NDOR1: variants seen among roughly 807,000 people sequenced by gnomAD.
NDOR1 encodes NADPH-dependent diflavin oxidoreductase 1.
In NDOR1, 61 loss-of-function variants were observed where a neutral mutation model predicts 67.2. That is an observed-to-expected ratio of 0.91 (90% CI 0.74 to 1.12). The LOEUF is 1.12. Among genes scored for constraint, NDOR1 ranks in the 50% most tolerant of loss-of-function variants. The pLI is 0.00. For missense variants in NDOR1, 878 were observed against 802.8 expected (o/e 1.09, Z -1.13); for synonymous variants, 378 against 343.7 (o/e 1.10, Z -1.10).
At position 137,212,702 on chromosome 9, in the gene NDOR1, G is replaced by A. The variant is rs909669374; in HGVS notation, c.311+103G>A. 21 of 1,053,114 alleles carry A rather than the reference G, an allele frequency of 2.0e-5. No homozygotes were observed. In the East Asian group the frequency reaches 2.9e-4, roughly 14 times the overall value. 65.2% of individuals were successfully genotyped at this position (1,053,114 alleles called of 1,614,324 possible). A position where few individuals can be genotyped will look rare whatever the true frequency, so the allele number is the denominator to read the frequency against. On this transcript the variant is annotated intron_variant, in intron 3 of 13. Transcript: ENST00000684003. The surrounding 1 kb of genome is among the most constrained non-coding windows in gnomAD (Gnocchi z 4.3). ...ACCAGCTTCCAGGGTCGGCCCCTGCGCGCCTCAGGGCCCTCGCAGTGGTAC... is the reference window on the plus strand; with the variant it reads ...ACCAGCTTCCAGGGTCGGCCCCTGCACGCCTCAGGGCCCTCGCAGTGGTAC...
rs750550671 is a variant in NDOR1 at position 137,216,462 on chromosome 9, G to T, written c.*46G>T. ...CCCTCTGACAGCCATCCTCCTGGGA[G>T]CCCAGGAAGGCATCCACGAGGGAGC... On this transcript the variant is annotated 3_prime_UTR_variant, in exon 14 of 14. Coordinates refer to ENST00000684003, the MANE Select transcript of NDOR1 (RefSeq NM_014434.4). The T allele has an allele frequency of 5.7e-6, 9 of 1,568,552 alleles. No individual in the cohort carries two copies. Among genetic ancestry groups the T allele is most frequent in the Non-Finnish European group, 7.8e-6 (9 of 1,161,128 alleles).
chr9:137,214,191 T>C lies in NDOR1; in HGVS notation c.513-13T>C. Reference sequence around the variant, plus strand: ...GGAGTGGGTCCTGGTCTGACCAGCGTGCCCTCCCACAGCCTGCCCTCCAAG... The same window carrying C: ...GGAGTGGGTCCTGGTCTGACCAGCGCGCCCTCCCACAGCCTGCCCTCCAAG... On this transcript the variant is annotated splice_polypyrimidine_tract_variant and intron_variant, in intron 5 of 13. Transcript: ENST00000684003. The C allele has an allele frequency of 6.2e-7, 1 of 1,605,544 alleles. No individual in the cohort carries two copies. The highest frequency in any genetic ancestry group is 8.5e-7 in the Non-Finnish European group (1 of 1,177,650).
At position 137,217,654 on chromosome 9, in the gene NDOR1, C is replaced by T. The variant is rs1835690582; in HGVS notation, c.*1238C>T. 1 of 242,422 alleles carries T rather than the reference C, an allele frequency of 4.1e-6. No homozygotes were observed. Among genetic ancestry groups the T allele is most frequent in the Non-Finnish European group, 7.9e-6 (1 of 126,858 alleles). 15.0% of individuals were successfully genotyped at this position (242,422 alleles called of 1,614,324 possible). A position where few individuals can be genotyped will look rare whatever the true frequency, so the allele number is the denominator to read the frequency against. ...AGGCAGGCCTTGCTGGGGCCCCAGTCAAGTCCACTTCCAGTGAGGAGAGCC... is the reference window on the plus strand; with the variant it reads ...AGGCAGGCCTTGCTGGGGCCCCAGTTAAGTCCACTTCCAGTGAGGAGAGCC... On this transcript the variant is annotated 3_prime_UTR_variant, in exon 14 of 14. Transcript: ENST00000684003.
rs1448577630 is a variant in NDOR1, at chr9:137,214,902, C to G, written c.949C>G (p.Leu317Val). The G allele has an allele frequency of 6.2e-7, 1 of 1,612,760 alleles. No individual in the cohort carries two copies. The highest frequency in any genetic ancestry group is 1.7e-5 in the Admixed American group (1 of 60,024). ...SVPRRSFFELLACLSLHELER... is the reference protein window; with the variant it reads ...SVPRRSFFELVACLSLHELER... ...GCCTCGCCGCTCCTTCTTCGAACTC[C>G]TGGCCTGTCTATCCCTCCATGAGCT... is the stretch of plus-strand genomic sequence containing the variant. The change falls in exon 8 of 14, where the codon CTG becomes GTG. Residue 317 changes from leucine (L) to valine (V), a missense_variant. Leu to Val is a conservative substitution (Grantham distance 32). Coordinates refer to ENST00000684003, the MANE Select transcript of NDOR1 (RefSeq NM_014434.4).
intron 3 of NDOR1, among the ~76,000 whole-genome samples, chr9:137,213,072 G>A (rs557718484): frequency 2.0e-5 from 3 of 152,312 alleles, no homozygotes; most frequent in African/African-American, 4.8e-5. Context: ...GACTGTCCAC[G>A]TAGGGCCCAG....
chr9:137,214,896 G>A lies in NDOR1; in HGVS notation c.943G>A (p.Glu315Lys), dbSNP rs747559988. The A allele has an allele frequency of 3.1e-5, 50 of 1,612,298 alleles. No homozygotes were observed. The highest frequency in any genetic ancestry group is 5.3e-5 in the African/African-American group (4 of 74,922). ...IASVPRRSFF[E>K]LLACLSLHEL... ...CAGCGTGCCTCGCCGCTCCTTCTTCGAACTCCTGGCCTGTCTATCCCTCCA... is the reference window on the plus strand; with the variant it reads ...CAGCGTGCCTCGCCGCTCCTTCTTCAAACTCCTGGCCTGTCTATCCCTCCA... The change falls in exon 8 of 14, where the codon GAA becomes AAA. Residue 315 changes from glutamate (E) to lysine (K), a missense_variant. Coordinates refer to ENST00000684003, the MANE Select transcript of NDOR1 (RefSeq NM_014434.4).
intron 2 of NDOR1, among the ~76,000 whole-genome samples, chr9:137,210,634 G>A (rs925016272): frequency 2.6e-5 from 4 of 152,296 alleles, no homozygotes; most frequent in Admixed American, 2.6e-4. Context: ...CTTGAGCCCA[G>A]GAGTTTGAGA....
At position 137,216,465 on chromosome 9, in the gene NDOR1, C is replaced by T. The variant is rs780706577; in HGVS notation, c.*49C>T. 3.2e-6 allele frequency: 5 copies of T among 1,568,222 alleles called. No homozygotes were observed. The Admixed American group carries it at 8.8e-5, about 28-fold the overall frequency. On this transcript the variant is annotated 3_prime_UTR_variant, in exon 14 of 14. Coordinates refer to ENST00000684003, the MANE Select transcript of NDOR1 (RefSeq NM_014434.4). The stretch of plus-strand genomic sequence containing the variant: ...TCTGACAGCCATCCTCCTGGGAGCC[C>T]AGGAAGGCATCCACGAGGGAGCTCC...
At chr9:137,207,141 C>T (rs1272614033) in intron 2 of NDOR1, among the ~76,000 whole-genome samples, 1 of 151,898 alleles carries the variant, frequency 6.6e-6, no homozygotes, top group Non-Finnish European at 1.5e-5. Context: ...CAGTCATGTT[C>T]CTAAGCTAGC....
Position 137,216,583 on chromosome 9 carries a change from C to A in NDOR1, c.*167C>A. The stretch of plus-strand genomic sequence containing the variant: ...AGCCGCACTCCTGTTGACCCTGGAT[C>A]CCACCCTTTGAGCCTGACCCCACTG... On this transcript the variant is annotated 3_prime_UTR_variant, in exon 14 of 14. Transcript: ENST00000684003. 1 of 915,116 alleles carries A rather than the reference C, an allele frequency of 1.1e-6. No individual in the cohort carries two copies. Among genetic ancestry groups the A allele is most frequent in the Non-Finnish European group, 1.6e-6 (1 of 624,686 alleles). 56.7% of individuals were successfully genotyped at this position (915,116 alleles called of 1,614,324 possible).
chr9:137,215,688 C>T lies in NDOR1; in HGVS notation c.1318C>T (p.Pro440Ser). 6.3e-7 allele frequency: 1 copy of T among 1,584,660 alleles called. No individual in the cohort carries two copies. Among genetic ancestry groups the T allele is most frequent in the Non-Finnish European group, 8.6e-7 (1 of 1,164,156 alleles). Residue 440 changes from proline to serine, a missense_variant, in exon 11 of 14, where the codon CCT becomes TCT. By Grantham distance (74) the Pro-to-Ser change is moderately conservative. Coordinates refer to ENST00000684003, the MANE Select transcript of NDOR1 (RefSeq NM_014434.4). ...TGTCCGGGTGCCCCTCTGGGTGCGG[C>T]CTGGGAGTCTGGCCTTCCCAGAGAC... ...GPVRVPLWVR[P>S]GSLAFPETPD...
Position 137,214,885 on chromosome 9 carries a change from G to A in NDOR1, c.932G>A (p.Arg311His), listed in dbSNP as rs759069782. 43 of 1,611,816 alleles carry A rather than the reference G, an allele frequency of 2.7e-5. No individual in the cohort carries two copies. Among genetic ancestry groups the A allele is most frequent in the Admixed American group, 5.0e-5 (3 of 60,022 alleles). ...CTGGACATCGCCAGCGTGCCTCGCC[G>A]CTCCTTCTTCGAACTCCTGGCCTGT... Reference protein sequence around the residue: ...HYLDIASVPRRSFFELLACLS... With the variant: ...HYLDIASVPRHSFFELLACLS... The change falls in exon 8 of 14, where the codon CGC becomes CAC. Residue 311 changes from arginine (R) to histidine (H), a missense_variant. Arg to His is a conservative substitution (Grantham distance 29, BLOSUM62 0). Coordinates refer to ENST00000684003, the MANE Select transcript of NDOR1 (RefSeq NM_014434.4).
Position 137,218,414 on chromosome 9 carries a change from C to G in NDOR1, c.*1998C>G, listed in dbSNP as rs755595833. 41 of 398,162 alleles carry G rather than the reference C, an allele frequency of 1.0e-4. No homozygotes were observed. The highest frequency in any genetic ancestry group is 1.6e-4 in the Non-Finnish European group (36 of 225,974). The allele number at this position is 398,162 out of a possible 1,614,324, so 24.7% of individuals were successfully genotyped here. On this transcript the variant is annotated 3_prime_UTR_variant, in exon 14 of 14. Coordinates refer to ENST00000684003, the MANE Select transcript of NDOR1 (RefSeq NM_014434.4). ...AGGGCCCGTGGGCGGCCGGGGCTGC[C>G]TGCCCTTCCTGCCCTGTCCACCCTG...
Position 137,217,036 on chromosome 9 carries a change from TCTAG to T in NDOR1, c.*623_*626del, listed in dbSNP as rs1268692678. 1 of 180,702 alleles carries T rather than the reference TCTAG, an allele frequency of 5.5e-6. No individual in the cohort carries two copies. Among genetic ancestry groups the T allele is most frequent in the African/African-American group, 2.4e-5 (1 of 41,590 alleles). The allele number at this position is 180,702 out of a possible 1,614,324, so 11.2% of individuals were successfully genotyped here. A position where few individuals can be genotyped will look rare whatever the true frequency, so the allele number is the denominator to read the frequency against. Reference sequence around the variant, plus strand: ...TTCTAGCGCAGGCTTCCTTCCTTCCTCTAGCTCCTCCCGGTGCCCTGGGTGCTGG... The same window carrying T: ...TTCTAGCGCAGGCTTCCTTCCTTCCTCTCCTCCCGGTGCCCTGGGTGCTGG... On this transcript the variant is annotated 3_prime_UTR_variant, in exon 14 of 14. Coordinates refer to ENST00000684003, the MANE Select transcript of NDOR1 (RefSeq NM_014434.4).
chr9:137,211,665 G>C (rs138511834), intron 2 of NDOR1, among the ~76,000 whole-genome samples: 1 of 152,290 alleles, frequency 6.6e-6, no homozygotes, highest in East Asian at 1.9e-4. Context: ...TGCTCGCATA[G>C]CGTGGCCCAG....
rs1343181062 is a variant in NDOR1, at chr9:137,219,181, G to A, written c.*2765G>A. The A allele has an allele frequency of 6.6e-6, 1 of 152,416 alleles. No homozygotes were observed. The highest frequency in any genetic ancestry group is 2.4e-5 in the African/African-American group (1 of 41,486). 9.4% of individuals were successfully genotyped at this position (152,416 alleles called of 1,614,324 possible). ...CCACTTGATCAGGCCCAGACCAGGTGGGGGTTGGCGCTGGCCTGTGTTGCA... is the reference window on the plus strand; with the variant it reads ...CCACTTGATCAGGCCCAGACCAGGTAGGGGTTGGCGCTGGCCTGTGTTGCA... On this transcript the variant is annotated 3_prime_UTR_variant, in exon 14 of 14. Transcript: ENST00000684003.
At position 137,213,859 on chromosome 9, in the gene NDOR1, G is replaced by C; in HGVS notation, c.391G>C (p.Asp131His). The C allele has an allele frequency of 6.2e-7, 1 of 1,610,702 alleles. No individual in the cohort carries two copies. The highest frequency in any genetic ancestry group is 1.1e-5 in the South Asian group (1 of 90,826). ...GSALLPVCLGDDQHELGPDAA... is the reference protein window; with the variant it reads ...GSALLPVCLGHDQHELGPDAA... ...CGCCCTCCTGCCCGTGTGCCTGGGC[G>C]ATGACCAGCATGAGCTGGGGTGAGT... The change falls in exon 4 of 14, where the codon GAT becomes CAT. Residue 131 changes from aspartate (D) to histidine (H), a missense_variant. Transcript: ENST00000684003.
Position 137,216,075 on chromosome 9 carries a change from C to T in NDOR1, c.1555-19C>T. On this transcript the variant is annotated intron_variant, in intron 12 of 13. Coordinates refer to ENST00000684003, the MANE Select transcript of NDOR1 (RefSeq NM_014434.4). ...AGGGAGCTCCGGCTCAGCCCCCAGC[C>T]CTGTTCTCTGCCCTACAGGAGCAGA... 1 of 1,613,448 alleles carries T rather than the reference C, an allele frequency of 6.2e-7. No individual in the cohort carries two copies. The highest frequency in any genetic ancestry group is 8.5e-7 in the Non-Finnish European group (1 of 1,179,984).
chr9:137,210,485 CA>C (rs1275339892), intron 2 of NDOR1, among the ~76,000 whole-genome samples: 5 of 151,808 alleles, frequency 3.3e-5, no homozygotes, highest in African/African-American at 9.7e-5. Context: ...GCTAGGTTTG[CA>C]GGTGTGAGCC....
Sources: allele counts gnomAD v4.1 joint callset (sites outside exome capture counted in the v4.1 genomes callset), GRCh38; gene constraint gnomAD v4.1.1; non-coding constraint Gnocchi (gnomAD v3.1); transcripts MANE v1.5; gene names NCBI Gene and HGNC (gene_info 2026-07-23, HGNC 2026-07-21).